The following RNF145 variants were observed in gnomAD, a reference collection of about 807,000 sequenced individuals.
The protein encoded by RNF145 is ring finger protein 145.
In RNF145, 12 loss-of-function variants were observed where a neutral mutation model predicts 57.3. The observed-to-expected ratio is 0.21, with a 90% CI of 0.13 to 0.34. The LOEUF (loss-of-function observed/expected upper bound fraction) is 0.34. RNF145 is among the 10% of genes least tolerant of loss of function. The probability of loss-of-function intolerance (pLI) is 1.00; values close to 1 mark genes in which losing one functional copy is unlikely to be tolerated. For missense variants in RNF145, 429 were observed against 799.0 expected, an observed-to-expected ratio of 0.54 and a Z score of 5.58; for synonymous variants, 262 against 288.3, an observed-to-expected ratio of 0.91 and a Z score of 0.92.
At chr5:159,194,878 A>G in intron 2 of RNF145, 54 bp from the exon 3 acceptor site, 4 of 1,254,568 alleles carry the variant, frequency 3.2e-6, no homozygotes, top group Middle Eastern at 2.8e-4. Flanking sequence ...CCAATTAATT[A>G]CAATAAAAGA....
At chr5:159,160,129 C>T (rs941782560) in intron 10 of RNF145, among the ~76,000 whole-genome samples, 16 of 151,936 alleles carry the variant, frequency 1.1e-4, no homozygotes, top group African/African-American at 3.4e-4. Flanking sequence ...TGAGGTGCTC[C>T]GACTCTGTTT....
chr5:159,174,317 T>C (rs1486782676), intron 5 of RNF145, among the ~76,000 whole-genome samples, 159 bp from the exon 6 acceptor site: 1 of 152,186 alleles, frequency 6.6e-6, no homozygotes, highest in African/African-American at 2.4e-5. Context: ...AGTTAATAAA[T>C]AGCATGTTTT....
intron 2 of RNF145, among the ~76,000 whole-genome samples, chr5:159,198,955 G>C (rs576397995): frequency 1.3e-5 from 2 of 152,234 alleles, no homozygotes; most frequent in East Asian, 3.9e-4. Flanking sequence ...TCCAACCTGC[G>C]CAAGAGTGAG....
intron 4 of RNF145, among the ~76,000 whole-genome samples, chr5:159,181,235 C>A (rs757352690): frequency 1.3e-5 from 2 of 152,008 alleles, no homozygotes; most frequent in Non-Finnish European, 2.9e-5. Context: ...AGCATTCCCC[C>A]CTTCACCACA....
intron 6 of RNF145, among the ~76,000 whole-genome samples, chr5:159,171,214 G>C (rs1784544149): frequency 6.6e-6 from 1 of 152,030 alleles, no homozygotes; most frequent in Admixed American, 6.6e-5. Flanking sequence ...TGAAATGTTT[G>C]GCATTTTCAC....
At chr5:159,208,197 C>T in intron 1 of RNF145, 1 of 1,336,768 alleles carries the variant, frequency 7.5e-7, no homozygotes, top group South Asian at 1.6e-5. Context: ...GGCAAGCAGG[C>T]AGCGCAGCAG....
At chr5:159,203,291 T>TGA in intron 2 of RNF145, 143 bp downstream of exon 2, 1 of 618,406 alleles carries the variant, frequency 1.6e-6, no homozygotes, top group Non-Finnish European at 2.9e-6. Context: ...GACAAAACTA[T>TGA]CAAGATTCAT....
intron 10 of RNF145, among the ~76,000 whole-genome samples, chr5:159,159,984 G>A (rs1000840816): frequency 1.2e-4 from 18 of 152,174 alleles, no homozygotes; most frequent in Non-Finnish European, 2.1e-4. Flanking sequence ...GGGAAGCTAA[G>A]CAGTTTTACT....
At chr5:159,194,645 A>C (rs1365630380) in intron 3 of RNF145, 71 bp downstream of exon 3, 1 of 997,900 alleles carries the variant, frequency 1.0e-6, no homozygotes, top group Admixed American at 1.9e-5. Flanking sequence ...AGTGTTCATG[A>C]AAAGTATTTT....
At chr5:159,190,361 G>A (rs1055834980) in intron 3 of RNF145, among the ~76,000 whole-genome samples, 2 of 151,990 alleles carry the variant, frequency 1.3e-5, no homozygotes, top group African/African-American at 4.8e-5. Context: ...AATCAGGTAT[G>A]TGACTATCTC....
chr5:159,207,512 A>T, intron 1 of RNF145: 1 of 1,543,440 alleles, frequency 6.5e-7, no homozygotes, highest in Non-Finnish European at 8.7e-7. Context: ...GTTAAAAAAA[A>T]AAATTCTACC....
At chr5:159,194,053 G>T (rs560939968) in intron 3 of RNF145, among the ~76,000 whole-genome samples, 1 of 152,156 alleles carries the variant, frequency 6.6e-6, no homozygotes, top group African/African-American at 2.4e-5. Flanking sequence ...TTAAAATTTA[G>T]ATCTAGCAGA....
At chr5:159,186,379 T>C (rs1785055185) in intron 3 of RNF145, among the ~76,000 whole-genome samples, 2 of 152,212 alleles carry the variant, frequency 1.3e-5, no homozygotes, top group African/African-American at 4.8e-5. Context: ...AAGACCTTTA[T>C]TATAACAGTC....
chr5:159,180,903 C>T (rs1038871142), intron 4 of RNF145, among the ~76,000 whole-genome samples: 1 of 151,776 alleles, frequency 6.6e-6, no homozygotes, highest in Non-Finnish European at 1.5e-5. Flanking sequence ...TGAAAAGGCA[C>T]AAGAATGATA....
chr5:159,200,458 T>C (rs1399636384), intron 2 of RNF145, among the ~76,000 whole-genome samples: 1 of 152,050 alleles, frequency 6.6e-6, no homozygotes, highest in Non-Finnish European at 1.5e-5. Context: ...ATGGACTAAA[T>C]AGGTGAGGAT....
intron 1 of RNF145, among the ~76,000 whole-genome samples, chr5:159,204,245 G>C (rs950267291): frequency 6.6e-6 from 1 of 152,122 alleles, no homozygotes; most frequent in Admixed American, 6.6e-5. Flanking sequence ...AATCTTTAAA[G>C]TTAAATATGG....
intron 3 of RNF145, among the ~76,000 whole-genome samples, chr5:159,184,937 C>G (rs1424167424): frequency 6.6e-6 from 1 of 152,106 alleles, no homozygotes; most frequent in Non-Finnish European, 1.5e-5. Context: ...AAATGATCAA[C>G]CTTTAGGCCA....
intron 9 of RNF145, among the ~76,000 whole-genome samples, 200 bp downstream of exon 9, chr5:159,162,732 C>A (rs1784270946): frequency 6.6e-6 from 1 of 152,160 alleles, no homozygotes; most frequent in Non-Finnish European, 1.5e-5. Flanking sequence ...CCGCGCCCGG[C>A]CGGTTTATGT....
intron 2 of RNF145, among the ~76,000 whole-genome samples, chr5:159,197,927 C>T (rs1387800694): frequency 6.6e-6 from 1 of 151,856 alleles, no homozygotes; most frequent in African/African-American, 2.4e-5. Flanking sequence ...GTCTGGGTGA[C>T]AGAGCATGAC....
Sources: allele counts gnomAD v4.1 joint callset (sites outside exome capture counted in the v4.1 genomes callset), GRCh38; gene constraint gnomAD v4.1.1; transcripts MANE v1.5; gene names NCBI Gene and HGNC (gene_info 2026-07-23, HGNC 2026-07-21).